Variants in ANKMY1 observed in about 807,000 individuals in gnomAD.
The protein encoded by ANKMY1 is ankyrin repeat and MYND domain-containing protein 1.
In ANKMY1, 98 loss-of-function variants were observed where a neutral mutation model predicts 102.0. The observed-to-expected ratio is 0.96, with a 90% CI of 0.82 to 1.14. The LOEUF (loss-of-function observed/expected upper bound fraction) is 1.14, where lower values mean the gene tolerates loss of function less well. Among genes scored for constraint, ANKMY1 ranks in the 50% most tolerant of loss-of-function variants. The pLI is 0.00. For missense variants in ANKMY1, 1,330 were observed against 1,347.6 expected (o/e 0.99, Z 0.20); for synonymous variants, 582 against 559.9 (o/e 1.04, Z -0.56).
At chr2:240,476,822 A>G (rs550922768), downstream of ANKMY1, among the ~76,000 whole-genome samples, 217 of 152,344 alleles carry the variant, frequency 1.4e-3, no homozygotes, top group Non-Finnish European at 2.3e-3. Flanking sequence ...CCTTGCATAC[A>G]TAAGCCCAGC....
intron 5 of ANKMY1, chr2:240,527,562 G>A (rs1008727184): frequency 6.6e-6 from 1 of 151,640 alleles, no homozygotes; most frequent in South Asian, 2.1e-4. Context: ...TGGGTGAGTG[G>A]GTGAATTAAT....
intron 12 of ANKMY1, 147 bp from the exon 13 acceptor site, chr2:240,507,838 C>G: frequency 1.1e-6 from 1 of 940,662 alleles, no homozygotes; most frequent in East Asian, 3.1e-5. Flanking sequence ...ACGGATCCTA[C>G]CCACAGTGGG....
In ANKMY1 at chr2:240,528,060, G is replaced by A. The variant is rs191178802; in HGVS notation, c.953+977C>T. 6.6e-5 allele frequency among the ~76,000 whole-genome samples: 10 copies of A among 152,234 alleles called. No individual in the cohort carries two copies. The East Asian group carries it at 1.5e-3, about 24-fold the overall frequency. ...TCCCAAAACTTTGGGAGGCTGAGGC[G>A]GGTGGATCATGAGGTCAGGAGTTCA... On this transcript the variant is annotated intron_variant, in intron 5 of 17. Coordinates refer to ENST00000401804, the MANE Select transcript of ANKMY1 (RefSeq NM_001282771.3).
intron 2 of ANKMY1, 76 bp downstream of exon 2, chr2:240,557,114 T>C (rs1166415854): frequency 5.9e-6 from 8 of 1,366,508 alleles, no homozygotes; most frequent in African/African-American, 1.5e-5. Flanking sequence ...TTTTTACTGC[T>C]TGCCTTAAGG....
At chr2:240,552,681 A>T in intron 4 of ANKMY1, 1 of 583,500 alleles carries the variant, frequency 1.7e-6, no homozygotes, top group Non-Finnish European at 2.9e-6. Flanking sequence ...TGCGTTTCTT[A>T]AATCTAAAGG....
chr2:240,551,460 C>G (rs1212977747), intron 4 of ANKMY1, among the ~76,000 whole-genome samples: 1 of 152,146 alleles, frequency 6.6e-6, no homozygotes, highest in African/African-American at 2.4e-5. Context: ...ACTGAAATGG[C>G]CTTGCGAGAG....
At chr2:240,559,003 T>A (rs569532072), upstream of ANKMY1, among the ~76,000 whole-genome samples, 110 of 152,358 alleles carry the variant, frequency 7.2e-4, 1 homozygote, top group Admixed American at 5.0e-3. Flanking sequence ...ACAACCCACA[T>A]TAGTTGTGAA....
chr2:240,507,434 T>TC (rs1377886722), intron 13 of ANKMY1, 126 bp downstream of exon 13: 3 of 765,772 alleles, frequency 3.9e-6, no homozygotes, highest in Middle Eastern at 6.8e-4. Context: ...CTTATACCCC[T>TC]CACCCAGGGC....
Position 240,511,932 on chromosome 2 carries a change from C to T in ANKMY1, c.2215G>A (p.Asp739Asn). 1 of 1,579,642 alleles carries T rather than the reference C, an allele frequency of 6.3e-7. No individual in the cohort carries two copies. Among genetic ancestry groups the T allele is most frequent in the Non-Finnish European group, 8.6e-7 (1 of 1,169,222 alleles). Residue 739 changes from aspartate (D) to asparagine (N), a missense_variant, in exon 11 of 18, where the codon GAC (aspartate) becomes AAC (asparagine). By Grantham distance (23) the Asp-to-Asn change is conservative (BLOSUM62 1). Transcript: ENST00000401804. ...CCCCCCTCCTCCGGGAGGGCTGTGT[C>T]CGTGCTGTAGTAGGCTTGGGGAGGG... ...PGPPQAYYST[D>N]TALPEEGGRT...
At chr2:240,552,731 T>G in intron 4 of ANKMY1, 183 bp downstream of exon 4, 5 of 923,626 alleles carry the variant, frequency 5.4e-6, no homozygotes, top group Non-Finnish European at 8.0e-6. Context: ...GGGAATAAAA[T>G]GCAAGGAGGC....
intron 15 of ANKMY1, among the ~76,000 whole-genome samples, chr2:240,495,497 A>G (rs1559247678): frequency 6.6e-6 from 1 of 152,152 alleles, no homozygotes; most frequent in Non-Finnish European, 1.5e-5. Flanking sequence ...ATGCAGAAAT[A>G]ATGGCGTAAG....
chr2:240,509,636 G>A (rs970203759), intron 11 of ANKMY1, among the ~76,000 whole-genome samples, 181 bp from the exon 12 acceptor site: 2 of 152,184 alleles, frequency 1.3e-5, no homozygotes, highest in African/African-American at 4.8e-5. Context: ...ATAGGTGAAT[G>A]GGTTGGGAGG....
intron 4 of ANKMY1, among the ~76,000 whole-genome samples, chr2:240,530,185 G>C (rs534342697): frequency 1.3e-5 from 2 of 152,190 alleles, no homozygotes; most frequent in Non-Finnish European, 2.9e-5. Context: ...ACCAGTGAGC[G>C]GCCACTGCCA....
At chr2:240,551,160 T>TTG (rs1377126582) in intron 4 of ANKMY1, among the ~76,000 whole-genome samples, 5 of 152,112 alleles carry the variant, frequency 3.3e-5, no homozygotes, top group Non-Finnish European at 7.4e-5. Context: ...ATGTTTTTTT[T>TTG]TTTTTTGAAA....
chr2:240,526,033 C>G, intron 6 of ANKMY1, 184 bp from the exon 7 acceptor site: 2 of 970,400 alleles, frequency 2.1e-6, no homozygotes, highest in Non-Finnish European at 3.1e-6. Flanking sequence ...CTGCCCCAAA[C>G]CCTTCTGCAC....
intron 15 of ANKMY1, among the ~76,000 whole-genome samples, chr2:240,493,513 G>T (rs2076888747): frequency 6.6e-6 from 1 of 152,108 alleles, no homozygotes; most frequent in Non-Finnish European, 1.5e-5. Flanking sequence ...ATGCATTTAT[G>T]GTGTTGGTTG....
At chr2:240,538,244 C>T (rs1014343750) in intron 4 of ANKMY1, among the ~76,000 whole-genome samples, 2 of 152,142 alleles carry the variant, frequency 1.3e-5, no homozygotes, top group Admixed American at 1.3e-4. Flanking sequence ...TGGCCGAGGC[C>T]GGAGCCGGCT....
chr2:240,512,911 G>A lies in ANKMY1; in HGVS notation c.2036C>T (p.Ala679Val). 1 of 1,613,842 alleles carries A rather than the reference G, an allele frequency of 6.2e-7. No individual in the cohort carries two copies. Among genetic ancestry groups the A allele is most frequent in the Non-Finnish European group, 8.5e-7 (1 of 1,179,930 alleles). The change falls in exon 10 of 18, where the codon GCC becomes GTC. Residue 679 changes from alanine to valine, a missense_variant. Transcript: ENST00000401804. ...LSTLTPLHIAAALPGEEGVQI... is the reference protein window; with the variant it reads ...LSTLTPLHIAVALPGEEGVQI... ...TACCCCCTCCTCCCCAGGAAGGGCG[G>A]CAGCGATGTGGAGTGGTGTCAGGGT...
chr2:240,522,690 A>G (rs1211375682), intron 8 of ANKMY1: 3 of 152,244 alleles, frequency 2.0e-5, no homozygotes, highest in African/African-American at 7.2e-5. Flanking sequence ...ATGGTTCAAC[A>G]TCAGAACTTG....
Sources: gnomAD v4.1 joint callset for allele counts (sites outside exome capture counted in the v4.1 genomes callset) on GRCh38, gnomAD v4.1.1 for gene constraint, MANE v1.5 for transcripts, NCBI Gene and HGNC (gene_info 2026-07-23, HGNC 2026-07-21) for gene names.